The following PRKCA variants were observed in gnomAD, a reference collection of about 807,000 sequenced individuals.
PRKCA encodes the protein protein kinase C alpha, also known as protein kinase C alpha type.
A neutral mutation model predicts 87.0 loss-of-function variants in PRKCA; 27 were observed. The observed-to-expected ratio is 0.31, with a 90% CI of 0.23 to 0.43. The LOEUF is 0.43. Among genes scored for constraint, PRKCA ranks in the 20% least tolerant of loss-of-function variants. The pLI is 1.00. For synonymous variants in PRKCA, 329 were observed against 311.1 expected (o/e 1.06, Z -0.61); for missense variants, 518 against 852.3 (o/e 0.61, Z 4.88).
intron 2 of PRKCA, among the ~76,000 whole-genome samples, chr17:66,444,455 A>G (rs1913929754): frequency 6.6e-6 from 1 of 152,184 alleles, no homozygotes; most frequent in African/African-American, 2.4e-5. Flanking sequence ...GGATTCTCAG[A>G]GACCTATCGT....
rs747039638 is a variant in PRKCA, at chr17:66,302,901, C to G, written c.50C>G (p.Ala17Gly). The G allele has an allele frequency of 6.2e-7, 1 of 1,607,724 alleles. No homozygotes were observed. The highest frequency in any genetic ancestry group is 1.3e-5 in the African/African-American group (1 of 74,562). The change falls in exon 1 of 17, where the codon GCC becomes GGC. Residue 17 changes from alanine to glycine, a missense_variant. Coordinates refer to ENST00000413366, the MANE Select transcript of PRKCA (RefSeq NM_002737.3). Reference sequence around the variant, plus strand: ...GACTCCACGGCGTCTCAGGACGTGGCCAACCGCTTCGCCCGCAAAGGGGCG... The same window carrying G: ...GACTCCACGGCGTCTCAGGACGTGGGCAACCGCTTCGCCCGCAAAGGGGCG... ...GNDSTASQDV[A>G]NRFARKGALR...
At chr17:66,589,650 G>T (rs1220108806) in intron 3 of PRKCA, among the ~76,000 whole-genome samples, 1 of 152,184 alleles carries the variant, frequency 6.6e-6, no homozygotes, top group Admixed American at 6.5e-5. Context: ...ATACCCTACA[G>T]GTGTTTAGCA....
At chr17:66,744,661 T>C (rs531028071) in intron 13 of PRKCA, among the ~76,000 whole-genome samples, 2 of 152,316 alleles carry the variant, frequency 1.3e-5, no homozygotes, top group South Asian at 2.1e-4. Flanking sequence ...TTCGGTATCA[T>C]TCACGGTATG....
chr17:66,540,265 C>A (rs1967936582), intron 3 of PRKCA, among the ~76,000 whole-genome samples: 2 of 152,192 alleles, frequency 1.3e-5, no homozygotes, highest in African/African-American at 4.8e-5. Context: ...CAGAGCCAGC[C>A]CAGGGTTCTG....
intron 3 of PRKCA, among the ~76,000 whole-genome samples, chr17:66,592,953 C>G (rs940181709): frequency 2.0e-5 from 3 of 152,108 alleles, no homozygotes; most frequent in Non-Finnish European, 4.4e-5. Flanking sequence ...CCACCACACT[C>G]AGATAATTTT....
At position 66,302,735 on chromosome 17, in the gene PRKCA, C is replaced by T; in HGVS notation, c.-117C>T. 1.3e-6 allele frequency: 1 copy of T among 745,146 alleles called. No individual in the cohort carries two copies. The highest frequency in any genetic ancestry group is 5.9e-5 in the South Asian group (1 of 16,830). The allele number at this position is 745,146 out of a possible 1,614,324, so 46.2% of individuals were successfully genotyped here. On this transcript the variant is annotated 5_prime_UTR_variant, in exon 1 of 17. Coordinates refer to ENST00000413366, the MANE Select transcript of PRKCA (RefSeq NM_002737.3). ...CCCTCGCCGCGACCTCGGCCACCGG[C>T]CCGCGCCCCGCGCCCGGGGTCGCCC...
At chr17:66,571,920 C>T (rs1015767827) in intron 3 of PRKCA, among the ~76,000 whole-genome samples, 14 of 152,204 alleles carry the variant, frequency 9.2e-5, no homozygotes, top group Admixed American at 3.3e-4. Context: ...GTGCAGGGAA[C>T]GTTCTGTGTG....
intron 2 of PRKCA, among the ~76,000 whole-genome samples, chr17:66,406,279 A>G (rs567706277): frequency 1.3e-5 from 2 of 152,264 alleles, no homozygotes; most frequent in South Asian, 4.1e-4. Context: ...TAAAAATGTG[A>G]CTTATTTATG....
intron 3 of PRKCA, among the ~76,000 whole-genome samples, chr17:66,613,707 G>A (rs746501066): frequency 6.7e-6 from 1 of 149,090 alleles, no homozygotes; most frequent in East Asian, 2.0e-4. Flanking sequence ...CTTTGTGTGT[G>A]TGTCCTTTTC....
intron 4 of PRKCA, among the ~76,000 whole-genome samples, chr17:66,642,537 G>T (rs1027480901): frequency 1.3e-5 from 2 of 152,148 alleles, no homozygotes; most frequent in Admixed American, 1.3e-4. Context: ...TTTTCTAATA[G>T]ATCGGGAACC....
At chr17:66,479,820 C>T (rs547202737) in intron 2 of PRKCA, among the ~76,000 whole-genome samples, 1 of 152,176 alleles carries the variant, frequency 6.6e-6, no homozygotes, top group East Asian at 1.9e-4. Flanking sequence ...CACATGGACA[C>T]ACAGAGGGGA....
chr17:66,467,624 CT>C (rs1486080251), intron 2 of PRKCA, among the ~76,000 whole-genome samples: 3 of 152,228 alleles, frequency 2.0e-5, no homozygotes, highest in Non-Finnish European at 4.4e-5. Context: ...GTGGCACCAT[CT>C]TGGCTCACCA....
chr17:66,479,536 T>G (rs1915683594), intron 2 of PRKCA, among the ~76,000 whole-genome samples: 1 of 152,146 alleles, frequency 6.6e-6, no homozygotes. Context: ...ATTGTTCTGT[T>G]ATAAAGACAC....
At chr17:66,347,529 A>G (rs1015881862) in intron 2 of PRKCA, among the ~76,000 whole-genome samples, 2 of 152,214 alleles carry the variant, frequency 1.3e-5, no homozygotes, top group African/African-American at 2.4e-5. Flanking sequence ...TATGTGTTGA[A>G]TGGCTCTTTT....
At chr17:66,643,994 G>T (rs7225307) in intron 4 of PRKCA, among the ~76,000 whole-genome samples, 14,987 of 152,302 alleles carry the variant, frequency 0.098, 786 homozygotes, top group Middle Eastern at 0.18. Context: ...CCTCCCCGTT[G>T]CCTCTGTGCT....
At chr17:66,802,924 A>G (rs1038388941) in intron 16 of PRKCA, among the ~76,000 whole-genome samples, 1 of 152,078 alleles carries the variant, frequency 6.6e-6, no homozygotes, top group Non-Finnish European at 1.5e-5. Context: ...CATTCTTAGG[A>G]TCCTTAGTGA....
chr17:66,491,046 C>T (rs1406755419), intron 2 of PRKCA, among the ~76,000 whole-genome samples: 1 of 152,178 alleles, frequency 6.6e-6, no homozygotes, highest in Non-Finnish European at 1.5e-5. Context: ...GTTTTAAAGC[C>T]AGGCAATGTC....
chr17:66,688,999 T>A lies in PRKCA; in HGVS notation c.870T>A (p.Ile290=). 6.2e-7 allele frequency: 1 copy of A among 1,604,664 alleles called. No homozygotes were observed. The highest frequency in any genetic ancestry group is 8.5e-7 in the Non-Finnish European group (1 of 1,176,024). Residue 290 remains isoleucine (I), a synonymous_variant, in exon 8 of 17, where the codon ATT becomes ATA. Transcript: ENST00000413366. ...QEEGEYYNVP[I]PEGDEEGNME... ...AAGGTGAGTACTACAACGTACCCAT[T>A]CCGGAAGGGGACGAGGAAGGAAACA...
intron 2 of PRKCA, among the ~76,000 whole-genome samples, chr17:66,439,915 CATGCCCTAGAAATCCCATAA>C (rs1461432119): frequency 6.6e-6 from 1 of 152,176 alleles, no homozygotes; most frequent in Non-Finnish European, 1.5e-5. Flanking sequence ...TTTGCGCCCC[CATGCCCTAGAAATCCCATAA>C]TAAGTGCAAC....
Sources: gnomAD v4.1 joint callset for allele counts (sites outside exome capture counted in the v4.1 genomes callset) on GRCh38, gnomAD v4.1.1 for gene constraint, MANE v1.5 for transcripts, NCBI Gene and HGNC (gene_info 2026-07-23, HGNC 2026-07-21) for gene names.